PARD3: variants seen among roughly 807,000 people sequenced by gnomAD.
The protein encoded by PARD3 is par-3 family cell polarity regulator, also known as partitioning defective 3 homolog.
A neutral mutation model predicts 155.4 loss-of-function variants in PARD3; 75 were observed. The observed-to-expected ratio is 0.48, with a 90% CI of 0.40 to 0.58. The LOEUF is 0.58. Among genes scored for constraint, PARD3 ranks in the 20% least tolerant of loss-of-function variants. PARD3 has a pLI of 0.00. For synonymous variants in PARD3, 576 were observed against 610.5 expected (o/e 0.94, Z 0.83); for missense variants, 1,642 against 1,721.7 (o/e 0.95, Z 0.82).
chr10:34,598,494 C>G (rs989136723), intron 2 of PARD3, among the ~76,000 whole-genome samples: 1 of 152,092 alleles, frequency 6.6e-6, no homozygotes. Flanking sequence ...TACACTGTAA[C>G]TTTTCAGAGC....
intron 22 of PARD3, among the ~76,000 whole-genome samples, chr10:34,218,952 C>T (rs934472185): frequency 6.6e-6 from 1 of 152,170 alleles, no homozygotes; most frequent in South Asian, 2.1e-4. Context: ...CAACCAAAAC[C>T]GAATAAATAG....
intron 2 of PARD3, among the ~76,000 whole-genome samples, chr10:34,575,739 T>C (rs1398585206): frequency 6.6e-6 from 1 of 151,860 alleles, no homozygotes; most frequent in Non-Finnish European, 1.5e-5. Flanking sequence ...CTATTAAAAA[T>C]ACAAAAGTTA....
chr10:34,258,253 C>T (rs770105671), intron 22 of PARD3, among the ~76,000 whole-genome samples: 4 of 152,138 alleles, frequency 2.6e-5, no homozygotes, highest in African/African-American at 7.2e-5. Flanking sequence ...GGGTGAAATA[C>T]GGACTTGTGG....
intron 23 of PARD3, among the ~76,000 whole-genome samples, chr10:34,125,512 A>T (rs1947239727): frequency 6.6e-6 from 1 of 152,220 alleles, no homozygotes; most frequent in Admixed American, 6.5e-5. Flanking sequence ...TTTAAGTCTT[A>T]AAAAAGATGG....
intron 21 of PARD3, among the ~76,000 whole-genome samples, chr10:34,278,772 T>G (rs1956014427): frequency 1.3e-5 from 2 of 152,208 alleles, no homozygotes; most frequent in African/African-American, 4.8e-5. Context: ...GTCTCGAGTA[T>G]GTCCTTATAG....
chr10:34,186,752 T>C (rs963682957), intron 22 of PARD3, among the ~76,000 whole-genome samples: 1 of 152,100 alleles, frequency 6.6e-6, no homozygotes, highest in Non-Finnish European at 1.5e-5. Context: ...GACTCAGCCG[T>C]CTGTCTCTGC....
chr10:34,331,131 T>C lies in PARD3; in HGVS notation c.2819A>G (p.Glu940Gly). 1.2e-6 allele frequency: 2 copies of C among 1,603,306 alleles called. No individual in the cohort carries two copies. The highest frequency in any genetic ancestry group is 2.2e-5 in the South Asian group (2 of 90,746). The change falls in exon 19 of 25, where the codon GAA (glutamate) becomes GGA (glycine). Residue 940 changes from glutamate (E) to glycine (G), a missense_variant. Transcript: ENST00000374788. The stretch of plus-strand genomic sequence containing the variant: ...TATAAACTTACAGGTCTCCATGCCT[T>C]CATCATCATCATCTACCGCGGGTTT... Reference protein sequence around the residue: ...YDKPAVDDDDEGMETLEEDTE... With the variant: ...YDKPAVDDDDGGMETLEEDTE...
At chr10:34,290,324 G>A (rs1175969307) in intron 20 of PARD3, among the ~76,000 whole-genome samples, 1 of 152,150 alleles carries the variant, frequency 6.6e-6, no homozygotes, top group Non-Finnish European at 1.5e-5. Context: ...ATCTTGTAAG[G>A]TTTAGCAATA....
At chr10:34,381,912 C>CAAAAAAAAAAAAAAAAAAAAAAAAAAAA (rs202053812) in intron 9 of PARD3, among the ~76,000 whole-genome samples, 39 of 71,864 alleles carry the variant, frequency 5.4e-4, no homozygotes, top group African/African-American at 1.6e-3. Flanking sequence ...GGCCCTGTCT[C>CAAAAAAAAAAAAAAAAAAAAAAAAAAAA]AAAAAAAAAA....
At chr10:34,177,313 C>T (rs1262586702) in intron 22 of PARD3, among the ~76,000 whole-genome samples, 15 of 152,144 alleles carry the variant, frequency 9.9e-5, no homozygotes, top group East Asian at 1.9e-4. Context: ...TTTCCAGCCC[C>T]TCCTCATCTC....
intron 7 of PARD3, among the ~76,000 whole-genome samples, chr10:34,397,750 A>G (rs1843474078): frequency 6.6e-6 from 1 of 152,230 alleles, no homozygotes. Flanking sequence ...GTAACATGTA[A>G]TTGAAATGCT....
intron 2 of PARD3, among the ~76,000 whole-genome samples, chr10:34,534,530 TA>T (rs2083085106): frequency 6.6e-6 from 1 of 152,142 alleles, no homozygotes; most frequent in Admixed American, 6.5e-5. Flanking sequence ...GTTCGTCTAA[TA>T]AATGAAGAGG....
chr10:34,667,558 G>C (rs1268082819), intron 2 of PARD3, among the ~76,000 whole-genome samples: 1 of 152,194 alleles, frequency 6.6e-6, no homozygotes, highest in Non-Finnish European at 1.5e-5. Context: ...ATATTTGATA[G>C]CCTTTGGCAC....
rs1408062574 is a variant in PARD3 at position 34,550,887 on chromosome 10, A to G, written c.223-33728T>C. 2.0e-5 allele frequency among the ~76,000 whole-genome samples: 3 copies of G among 152,194 alleles called. No homozygotes were observed. The East Asian group carries it at 5.8e-4, about 29-fold the overall frequency. The stretch of plus-strand genomic sequence containing the variant: ...AAAAAAACACATCTGCACAATCCCA[A>G]TCTAAAACATCACAGATACAGTGTT... On this transcript the variant is annotated intron_variant, in intron 2 of 24. Coordinates refer to ENST00000374788, the MANE Select transcript of PARD3 (RefSeq NM_001184785.2).
intron 2 of PARD3, among the ~76,000 whole-genome samples, chr10:34,561,800 G>A (rs1172040412): frequency 2.0e-5 from 3 of 151,596 alleles, no homozygotes; most frequent in Admixed American, 2.0e-4. Context: ...TTACAGGCAT[G>A]AGCCACTGCG....
chr10:34,553,700 T>C (rs893656798), intron 2 of PARD3, among the ~76,000 whole-genome samples: 1 of 152,160 alleles, frequency 6.6e-6, no homozygotes, highest in African/African-American at 2.4e-5. Flanking sequence ...GAATCGAATG[T>C]TGGGGTTTTA....
intron 19 of PARD3, among the ~76,000 whole-genome samples, chr10:34,322,540 T>C (rs919843105): frequency 5.3e-5 from 8 of 152,220 alleles, no homozygotes; most frequent in Non-Finnish European, 2.9e-5. Flanking sequence ...GTCTTAAGTG[T>C]ATAATTTAGC....
At chr10:34,625,085 C>T (rs888036189) in intron 2 of PARD3, among the ~76,000 whole-genome samples, 30 of 152,162 alleles carry the variant, frequency 2.0e-4, no homozygotes, top group Admixed American at 3.9e-4. Flanking sequence ...GATTTGGGGG[C>T]ATAAAAACCA....
At chr10:34,807,729 A>C (rs1286037877) in intron 1 of PARD3, among the ~76,000 whole-genome samples, 1 of 152,150 alleles carries the variant, frequency 6.6e-6, no homozygotes, top group Non-Finnish European at 1.5e-5. Flanking sequence ...TATACAGAAT[A>C]GAGTACAGAG....
Sources: gnomAD v4.1 joint callset for allele counts (sites outside exome capture counted in the v4.1 genomes callset) on GRCh38, gnomAD v4.1.1 for gene constraint, MANE v1.5 for transcripts, NCBI Gene and HGNC (gene_info 2026-07-23, HGNC 2026-07-21) for gene names.